Variants in COL4A4 observed in about 807,000 individuals in gnomAD.
COL4A4 encodes the protein collagen alpha-4(IV) chain.
In COL4A4, 105 loss-of-function variants were observed where a neutral mutation model predicts 192.9. The ratio of observed to expected loss-of-function variants is 0.54; its 90% CI spans 0.46 to 0.64. The LOEUF is 0.64. Among genes scored for constraint, COL4A4 ranks in the 30% least tolerant of loss-of-function variants. The probability of loss-of-function intolerance (pLI) is 0.00; values close to 1 mark genes in which losing one functional copy is unlikely to be tolerated. For synonymous variants in COL4A4, 762 were observed against 769.9 expected (o/e 0.99, Z 0.17); for missense variants, 1,967 against 2,169.3 (o/e 0.91, Z 1.85).
rs768554685 is a variant in COL4A4 at position 227,078,080 on chromosome 2, G to A, written c.1804-3C>T. On this transcript the variant is annotated splice_region_variant and splice_polypyrimidine_tract_variant and intron_variant, in intron 24 of 47. Coordinates refer to ENST00000396625, the MANE Select transcript of COL4A4 (RefSeq NM_000092.5). ...GGGGTCGCATCTTCATGATCCCCCT[G>A]GGAATGTTATGTCATGAGTCAATTA... 3 of 1,613,764 alleles carry A rather than the reference G, an allele frequency of 1.9e-6. No homozygotes were observed. Among genetic ancestry groups the A allele is most frequent in the Non-Finnish European group, 2.5e-6 (3 of 1,179,896 alleles).
chr2:227,135,944 C>A (rs2062785255), intron 4 of COL4A4, among the ~76,000 whole-genome samples: 1 of 151,886 alleles, frequency 6.6e-6, no homozygotes, highest in Non-Finnish European at 1.5e-5. Flanking sequence ...ATGCCTGGCC[C>A]CTGAATTTTA....
At chr2:227,034,034 G>T (rs1969001928) in intron 37 of COL4A4, among the ~76,000 whole-genome samples, 1 of 152,180 alleles carries the variant, frequency 6.6e-6, no homozygotes, top group Non-Finnish European at 1.5e-5. Context: ...TCCAGCTATT[G>T]CTTTGCAGTC....
intron 24 of COL4A4, among the ~76,000 whole-genome samples, chr2:227,078,526 C>T (rs79792018): frequency 0.021 from 3,138 of 152,262 alleles, 100 homozygotes; most frequent in African/African-American, 0.07. Flanking sequence ...TCAGCCACCG[C>T]GCCTGGCCAA....
At chr2:227,090,224 T>C (rs1188913307) in intron 20 of COL4A4, among the ~76,000 whole-genome samples, 1 of 151,836 alleles carries the variant, frequency 6.6e-6, no homozygotes, top group African/African-American at 2.4e-5. Context: ...AATTAATGGG[T>C]TGCAAAACAA....
rs779135957 is a variant in COL4A4 at position 227,094,136 on chromosome 2, G to A, written c.1358C>T (p.Pro453Leu). The A allele has an allele frequency of 3.7e-6, 6 of 1,613,522 alleles. No individual in the cohort carries two copies. In the African/African-American group the frequency reaches 5.3e-5, roughly 14 times the overall value. The change falls in exon 20 of 48, where the codon CCA becomes CTA. Residue 453 changes from proline to leucine, a missense_variant. Pro to Leu is a moderately conservative substitution (Grantham distance 98). Coordinates refer to ENST00000396625, the MANE Select transcript of COL4A4 (RefSeq NM_000092.5). ...LPGAPGLQGL[P>L]GSSVIYCSVG... ...AAGGAGTACTTTACCACTTGATCCT[G>A]GGAGGCCCTGCAGGCCTGGTGCTCC...
chr2:227,016,536 C>T lies in COL4A4; in HGVS notation c.4217-4239G>A, dbSNP rs577819815. Among the ~76,000 whole-genome samples, 4 of 152,250 alleles carry T rather than the reference C, an allele frequency of 2.6e-5. No homozygotes were observed. The South Asian group carries it at 6.2e-4, about 24-fold the overall frequency. On this transcript the variant is annotated intron_variant, in intron 44 of 47. Coordinates refer to ENST00000396625, the MANE Select transcript of COL4A4 (RefSeq NM_000092.5). ...TGCTGCAGCAACAGGGTTGAGTGGT[C>T]GCAGCAAAGATCATCTGGCTCCAAA...
chr2:227,084,575 A>G (rs959535416), intron 22 of COL4A4, among the ~76,000 whole-genome samples: 13 of 152,202 alleles, frequency 8.5e-5, no homozygotes, highest in African/African-American at 2.9e-4. Flanking sequence ...TTACTGAACC[A>G]TTACTAAACC....
chr2:227,116,344 T>C (rs1176107985), intron 7 of COL4A4, among the ~76,000 whole-genome samples: 1 of 152,216 alleles, frequency 6.6e-6, no homozygotes, highest in Non-Finnish European at 1.5e-5. Context: ...GAAGGATCCA[T>C]TTCTATGTTG....
rs759828394 is a variant in COL4A4, at chr2:227,060,177, C to A, written c.2123G>T (p.Arg708Ile). The part of the protein sequence containing the change: ...GLSGSDGHKG[R>I]PGTPGTAEIP... ...TTCCGCTGTTCCTGGTGTGCCAGGT[C>A]TGCCTTTATGCCCATCTGAACCACT... The change falls in exon 27 of 48, where the codon AGA (arginine) becomes ATA (isoleucine). Residue 708 changes from arginine (R) to isoleucine (I), a missense_variant. Coordinates refer to ENST00000396625, the MANE Select transcript of COL4A4 (RefSeq NM_000092.5). 1.6e-5 allele frequency: 25 copies of A among 1,601,126 alleles called. No individual in the cohort carries two copies. In the Admixed American group the frequency reaches 4.2e-4, roughly 27 times the overall value.
At chr2:227,101,418 T>A (rs936153371) in intron 17 of COL4A4, 86 bp downstream of exon 17, 139 of 1,090,262 alleles carry the variant, frequency 1.3e-4, no homozygotes, top group Non-Finnish European at 1.8e-4. Context: ...CTTGAATGAT[T>A]CCTGGCAATA....
chr2:227,073,000 C>T (rs777094327), intron 25 of COL4A4, among the ~76,000 whole-genome samples: 3 of 152,024 alleles, frequency 2.0e-5, no homozygotes, highest in African/African-American at 7.2e-5. Flanking sequence ...GAAGGATGCC[C>T]ACTTTCACCA....
chr2:227,115,301 C>T (rs1329758578), intron 7 of COL4A4, among the ~76,000 whole-genome samples: 4 of 136,520 alleles, frequency 2.9e-5, no homozygotes, highest in African/African-American at 8.8e-5. Flanking sequence ...GACAGAGTCT[C>T]GCTCTGTCTA....
chr2:227,102,006 A>C (rs971119025), intron 15 of COL4A4, 97 bp from the exon 16 acceptor site: 26 of 854,884 alleles, frequency 3.0e-5, no homozygotes, highest in African/African-American at 2.1e-4. Flanking sequence ...TGTTCCATGG[A>C]TATTTGGTCC....
chr2:227,085,610 C>G (rs1367579025), intron 22 of COL4A4, among the ~76,000 whole-genome samples: 1 of 152,098 alleles, frequency 6.6e-6, no homozygotes, highest in East Asian at 1.9e-4. Context: ...AAGTGGGAAG[C>G]CAGTGTATCA....
chr2:227,138,589 C>T (rs7574298), intron 4 of COL4A4, among the ~76,000 whole-genome samples: 2,951 of 148,778 alleles, frequency 0.02, 95 homozygotes, highest in African/African-American at 0.068. Flanking sequence ...GCCGAGATCG[C>T]GCCACCGCAC....
At chr2:226,969,455 T>C in the COL4A4 span, among the ~76,000 whole-genome samples, 6 of 133,838 alleles carry the variant, frequency 4.5e-5, no homozygotes, top group Non-Finnish European at 6.2e-5. Context: ...ATATTAGGGG[T>C]GAAGGAGAGT....
chr2:227,053,931 C>A (rs1437646594), intron 31 of COL4A4, among the ~76,000 whole-genome samples: 1 of 152,016 alleles, frequency 6.6e-6, no homozygotes, highest in Non-Finnish European at 1.5e-5. Flanking sequence ...GAGAAGTTGG[C>A]AAACTGCAGC....
chr2:227,144,234 T>C (rs2063398917), intron 3 of COL4A4, among the ~76,000 whole-genome samples: 1 of 152,248 alleles, frequency 6.6e-6, no homozygotes, highest in African/African-American at 2.4e-5. Flanking sequence ...TGATTTAATC[T>C]TGAAATGGCC....
chr2:226,989,479 G>T, the COL4A4 span, among the ~76,000 whole-genome samples: 2 of 152,170 alleles, frequency 1.3e-5, no homozygotes, highest in Non-Finnish European at 1.5e-5. Context: ...CTGGATATTG[G>T]TCTCACATGT....
Sources: gnomAD v4.1 joint callset for allele counts (sites outside exome capture counted in the v4.1 genomes callset) on GRCh38, gnomAD v4.1.1 for gene constraint, MANE v1.5 for transcripts, NCBI Gene and HGNC (gene_info 2026-07-23, HGNC 2026-07-21) for gene names.